ACOT12: variants seen among roughly 807,000 people sequenced by gnomAD.
The protein encoded by ACOT12 is acyl-CoA thioesterase 12, also known as acetyl-coenzyme A thioesterase.
ACOT12 carries 51 observed loss-of-function variants against 67.7 expected under a neutral mutation model. The ratio of observed to expected loss-of-function variants is 0.75; its 90% CI spans 0.60 to 0.95. The LOEUF (loss-of-function observed/expected upper bound fraction) is 0.95. Among genes scored for constraint, ACOT12 ranks in the 40% least tolerant of loss-of-function variants. The pLI, the probability that ACOT12 is intolerant of heterozygous loss-of-function variation, is 0.00. For synonymous variants in ACOT12, 251 were observed against 244.6 expected (o/e 1.03, Z -0.24); for missense variants, 734 against 708.1 (o/e 1.04, Z -0.41).
chr5:81,348,707 G>A (rs2153850484), intron 5 of ACOT12, among the ~76,000 whole-genome samples: 1 of 152,296 alleles, frequency 6.6e-6, no homozygotes, highest in Non-Finnish European at 1.5e-5. Flanking sequence ...TGGGCTTACA[G>A]GTGCGTGCCA....
the ACOT12 span, among the ~76,000 whole-genome samples, chr5:81,313,790 G>A: frequency 4.6e-5 from 7 of 152,234 alleles, no homozygotes; most frequent in East Asian, 3.9e-4. Flanking sequence ...TGCACAACTC[G>A]ACAGTTCTAG....
intron 9 of ACOT12, 42 bp downstream of exon 9, chr5:81,344,118 T>A (rs1362839938): frequency 6.3e-7 from 1 of 1,592,380 alleles, no homozygotes; most frequent in Non-Finnish European, 8.6e-7. Context: ...TTTGTCAGAT[T>A]AACGAAGACT....
chr5:81,343,347 CGTATCATTTTA>C (rs753882670), intron 10 of ACOT12, among the ~76,000 whole-genome samples: 10 of 152,266 alleles, frequency 6.6e-5, no homozygotes, highest in Admixed American at 1.3e-4. Context: ...TTAACAACTG[CGTATCATTTTA>C]GTATCATTTT....
intron 2 of ACOT12, among the ~76,000 whole-genome samples, chr5:81,373,036 T>C (rs1484686313): frequency 6.6e-6 from 1 of 152,224 alleles, no homozygotes; most frequent in Non-Finnish European, 1.5e-5. Context: ...CTCTACTGAA[T>C]GTTGTGTGTA....
intron 2 of ACOT12, among the ~76,000 whole-genome samples, chr5:81,375,577 T>C (rs557454718): frequency 6.6e-6 from 1 of 152,058 alleles, no homozygotes; most frequent in East Asian, 1.9e-4. Context: ...ATCAGTGTGC[T>C]GTATTCAGGA....
intron 2 of ACOT12, among the ~76,000 whole-genome samples, chr5:81,372,085 G>A (rs151136196): frequency 1.2e-3 from 188 of 152,232 alleles, no homozygotes; most frequent in African/African-American, 4.4e-3. Flanking sequence ...ACTCCAAATC[G>A]GCAACACATA....
At chr5:81,320,813 G>C in the ACOT12 span, among the ~76,000 whole-genome samples, 1 of 152,004 alleles carries the variant, frequency 6.6e-6, no homozygotes, top group Admixed American at 6.6e-5. Context: ...GTTTTGTTTG[G>C]GCCACTATAA....
intron 6 of ACOT12, among the ~76,000 whole-genome samples, chr5:81,346,667 G>A (rs551133733): frequency 2.6e-5 from 4 of 152,196 alleles, no homozygotes; most frequent in East Asian, 3.9e-4. Flanking sequence ...GCTGCCATAA[G>A]CCTTTACAAT....
intron 5 of ACOT12, among the ~76,000 whole-genome samples, chr5:81,352,601 G>T (rs536182020): frequency 7.9e-5 from 12 of 152,216 alleles, no homozygotes; most frequent in African/African-American, 2.9e-4. Flanking sequence ...CTTATGAGAG[G>T]CTGGGAAGGG....
chr5:81,392,980 A>G (rs1182048292), intron 1 of ACOT12, among the ~76,000 whole-genome samples: 5 of 152,236 alleles, frequency 3.3e-5, no homozygotes, highest in Non-Finnish European at 7.3e-5. Flanking sequence ...TGACCTCATT[A>G]GCCTTAATTC....
the ACOT12 span, among the ~76,000 whole-genome samples, chr5:81,316,587 C>T: frequency 1.3e-5 from 2 of 152,266 alleles, no homozygotes; most frequent in African/African-American, 2.4e-5. Flanking sequence ...CTTGTGAGGA[C>T]ATGTTTTCAT....
the ACOT12 span, chr5:81,309,277 C>T: frequency 2.7e-6 from 1 of 369,680 alleles, no homozygotes; most frequent in East Asian, 4.4e-5. Context: ...CTTGCTTCAT[C>T]ATTTGTGAGA....
chr5:81,369,241 T>C (rs960405145), intron 3 of ACOT12, among the ~76,000 whole-genome samples: 6 of 152,102 alleles, frequency 3.9e-5, no homozygotes, highest in Non-Finnish European at 7.4e-5. Context: ...TCACACACCT[T>C]CCAGAGGTGG....
chr5:81,346,969 T>C (rs754981273), intron 6 of ACOT12, among the ~76,000 whole-genome samples: 1 of 152,196 alleles, frequency 6.6e-6, no homozygotes, highest in Non-Finnish European at 1.5e-5. Flanking sequence ...AAGAATAAAA[T>C]AACCTTTTTG....
intron 11 of ACOT12, among the ~76,000 whole-genome samples, chr5:81,336,572 T>C (rs1759010606): frequency 6.6e-6 from 1 of 152,212 alleles, no homozygotes; most frequent in Non-Finnish European, 1.5e-5. Flanking sequence ...TGACATATAC[T>C]TAAGCATGAA....
At chr5:81,389,953 G>GTTTT (rs1760820897) in intron 1 of ACOT12, among the ~76,000 whole-genome samples, 2 of 143,114 alleles carry the variant, frequency 1.4e-5, no homozygotes, top group African/African-American at 2.7e-5. Flanking sequence ...TTTTATTTAT[G>GTTTT]TATTTTTTTT....
At chr5:81,367,570 G>A (rs1162370810) in intron 3 of ACOT12, among the ~76,000 whole-genome samples, 1 of 152,002 alleles carries the variant, frequency 6.6e-6, no homozygotes, top group African/African-American at 2.4e-5. Context: ...AAACAAATAT[G>A]TATAGTTAAA....
chr5:81,344,032 T>C (rs1458372083), intron 9 of ACOT12, 128 bp downstream of exon 9: 3 of 1,256,676 alleles, frequency 2.4e-6, no homozygotes, highest in Non-Finnish European at 3.4e-6. Context: ...TAGTCAGCCT[T>C]TGCGGCCAGG....
chr5:81,343,729 G>T, intron 10 of ACOT12, 89 bp downstream of exon 10: 1 of 1,310,982 alleles, frequency 7.6e-7, no homozygotes, highest in Non-Finnish European at 1.1e-6. Context: ...AGCCTGCGTA[G>T]GCACAGCCTA....
Sources: allele counts gnomAD v4.1 joint callset (sites outside exome capture counted in the v4.1 genomes callset), GRCh38; gene constraint gnomAD v4.1.1; transcripts MANE v1.5; gene names NCBI Gene and HGNC (gene_info 2026-07-23, HGNC 2026-07-21).